Variants in EDARADD observed in about 807,000 individuals in gnomAD.
The protein encoded by EDARADD is ectodysplasin-A receptor-associated adapter protein.
A neutral mutation model predicts 25.6 loss-of-function variants in EDARADD; 20 were observed. The observed-to-expected ratio is 0.78, with a 90% CI of 0.55 to 1.14. EDARADD has a LOEUF of 1.14. Ranked by LOEUF, EDARADD falls within the 50% of genes most tolerant of loss-of-function variation. The pLI, the probability that EDARADD is intolerant of heterozygous loss-of-function variation, is 0.00. For missense variants in EDARADD, 225 were observed against 270.1 expected (o/e 0.83, Z 1.17); for synonymous variants, 86 against 94.4 (o/e 0.91, Z 0.52).
chr1:236,395,756 G>A lies in EDARADD; in HGVS notation c.61+1251G>A. ...AGCAGCCGCAGGGCTATCGAGGCCG[G>A]GCCTCGGCGACCCCCGAGGGAGGCC... On this transcript the variant is annotated intron_variant, in intron 1 of 5. Coordinates refer to ENST00000334232, the MANE Select transcript of EDARADD (RefSeq NM_145861.4). This position sits in a 1 kb window ranked among gnomAD's most constrained non-coding sequence, Gnocchi z 6.9. 1 of 1,439,248 alleles carries A rather than the reference G, an allele frequency of 6.9e-7. No individual in the cohort carries two copies. The highest frequency in any genetic ancestry group is 9.2e-7 in the Non-Finnish European group (1 of 1,092,206). The allele number at this position is 1,439,248 out of a possible 1,614,324, so 89.2% of individuals were successfully genotyped here.
chr1:236,474,486 C>T (rs928159241), intron 5 of EDARADD, among the ~76,000 whole-genome samples: 4 of 152,056 alleles, frequency 2.6e-5, no homozygotes, highest in South Asian at 2.1e-4. Context: ...AATGGGGACC[C>T]CAATTATTAG....
At chr1:236,435,384 AG>A (rs1658223422) in intron 4 of EDARADD, among the ~76,000 whole-genome samples, 3 of 152,206 alleles carry the variant, frequency 2.0e-5, no homozygotes, top group Admixed American at 2.0e-4. Flanking sequence ...ATGCCCCTTG[AG>A]GGCAGGGACT....
At chr1:236,467,667 A>G (rs1174361712) in intron 4 of EDARADD, among the ~76,000 whole-genome samples, 2 of 152,236 alleles carry the variant, frequency 1.3e-5, no homozygotes. Flanking sequence ...TTGACAGACA[A>G]CAAGCCCTGA....
chr1:236,374,453 G>C (rs1667202689), intron 3 of EDARADD, among the ~76,000 whole-genome samples: 1 of 151,954 alleles, frequency 6.6e-6, no homozygotes, highest in African/African-American at 2.4e-5. Context: ...ATTTTTAGTA[G>C]AGACAAAGTC....
chr1:236,475,718 C>T (rs2103039006), intron 5 of EDARADD, among the ~76,000 whole-genome samples: 1 of 151,804 alleles, frequency 6.6e-6, no homozygotes, highest in African/African-American at 2.4e-5. Flanking sequence ...GAGTCGAGAT[C>T]GCACCATTGC....
chr1:236,353,963 G>A lies in EDARADD; in HGVS notation c.-6+3124G>A, dbSNP rs146106109. The stretch of plus-strand genomic sequence containing the variant: ...GAGTTCAGGGGAAAATGTGACTCTA[G>A]CTCTTTCATTTAAAGCTCGTTAGTT... On this transcript the variant is annotated intron_variant, in intron 3 of 7. Coordinates refer to the EDARADD transcript ENST00000439430. Among the ~76,000 whole-genome samples the A allele has an allele frequency of 5.5e-3, 838 of 152,152 alleles. 8 individuals are homozygous for A. The highest frequency in any genetic ancestry group is 7.4e-3 in the Non-Finnish European group (506 of 68,000).
intron 3 of EDARADD, among the ~76,000 whole-genome samples, chr1:236,376,033 C>T (rs199753183): frequency 2.7e-5 from 4 of 146,120 alleles, no homozygotes; most frequent in East Asian, 4.1e-4. Flanking sequence ...CTCTGAGGTT[C>T]GAGCGATTCT....
At chr1:236,375,991 A>G (rs534497419) in intron 3 of EDARADD, among the ~76,000 whole-genome samples, 5 of 145,468 alleles carry the variant, frequency 3.4e-5, no homozygotes, top group African/African-American at 1.0e-4. Context: ...CTGGAGTGCA[A>G]TGGTGCGATC....
chr1:236,454,141 G>A (rs1281951444), intron 4 of EDARADD, among the ~76,000 whole-genome samples: 1 of 152,170 alleles, frequency 6.6e-6, no homozygotes, highest in Non-Finnish European at 1.5e-5. Flanking sequence ...CATCTCCCGG[G>A]TTCAAGCAAT....
chr1:236,382,727 G>C (rs1667315338), intron 3 of EDARADD, among the ~76,000 whole-genome samples: 1 of 152,172 alleles, frequency 6.6e-6, no homozygotes, highest in Non-Finnish European at 1.5e-5. Context: ...ATTCAGGCAA[G>C]ACCCTTTTGT....
chr1:236,358,612 C>A (rs1446190265), intron 3 of EDARADD, among the ~76,000 whole-genome samples: 1 of 152,164 alleles, frequency 6.6e-6, no homozygotes, highest in African/African-American at 2.4e-5. Context: ...TGATTTCTAT[C>A]TTAATTTCAT....
chr1:236,384,421 A>G lies in EDARADD; in HGVS notation c.-5-24795A>G, dbSNP rs186607570. On this transcript the variant is annotated intron_variant, in intron 3 of 7. Coordinates refer to the EDARADD transcript ENST00000439430. ...CCTTTTTCAATTTTTTTGTTTTTAA[A>G]AGATGGGGTCTTGCTCTGGAGTGCA... 8.0e-3 allele frequency among the ~76,000 whole-genome samples: 1,221 copies of G among 152,240 alleles called. 12 individuals are homozygous for G. The highest frequency in any genetic ancestry group is 9.5e-3 in the Non-Finnish European group (647 of 68,014).
chr1:236,458,608 T>C (rs904769152), intron 4 of EDARADD, among the ~76,000 whole-genome samples: 17 of 152,056 alleles, frequency 1.1e-4, no homozygotes, highest in Admixed American at 2.0e-4. Flanking sequence ...CAGTAATTTT[T>C]ACTTTTGTGT....
At chr1:236,418,099 G>A (rs1365601589) in intron 3 of EDARADD, among the ~76,000 whole-genome samples, 5 of 151,658 alleles carry the variant, frequency 3.3e-5, no homozygotes, top group South Asian at 2.1e-4. Context: ...GACTATAGGC[G>A]CCCACCACCA....
chr1:236,352,993 G>A (rs1274673143), intron 3 of EDARADD, among the ~76,000 whole-genome samples: 1 of 149,644 alleles, frequency 6.7e-6, no homozygotes, highest in Admixed American at 6.7e-5. Context: ...CTGGGCAACA[G>A]AGCAAGACTC....
At chr1:236,370,602 G>A (rs1447673975) in intron 3 of EDARADD, among the ~76,000 whole-genome samples, 1 of 152,160 alleles carries the variant, frequency 6.6e-6, no homozygotes, top group Non-Finnish European at 1.5e-5. Context: ...ATCAGTCGGA[G>A]ATGAAATCAT....
Position 236,465,281 on chromosome 1 carries a change from A to G in EDARADD, c.220-2950A>G, listed in dbSNP as rs142951292. On this transcript the variant is annotated intron_variant, in intron 4 of 5. Transcript: ENST00000334232. ...ACACCCCCTGAGGATACCCTGCTTCAGGCGAGAGCCCCTCAGTGACTCCCT... is the reference window on the plus strand; with the variant it reads ...ACACCCCCTGAGGATACCCTGCTTCGGGCGAGAGCCCCTCAGTGACTCCCT... Among the ~76,000 whole-genome samples the G allele has an allele frequency of 3.7e-3, 556 of 152,284 alleles. 3 individuals carry two copies. The highest frequency in any genetic ancestry group is 0.013 in the African/African-American group (538 of 41,552).
intron 4 of EDARADD, among the ~76,000 whole-genome samples, chr1:236,456,227 G>A (rs1658860865): frequency 6.6e-6 from 1 of 152,064 alleles, no homozygotes; most frequent in African/African-American, 2.4e-5. Context: ...CGGAAGCATC[G>A]CGGATCTCCC....
At chr1:236,384,214 A>G (rs1667329934) in intron 3 of EDARADD, among the ~76,000 whole-genome samples, 1 of 152,124 alleles carries the variant, frequency 6.6e-6, no homozygotes, top group Non-Finnish European at 1.5e-5. Flanking sequence ...TTGCTTAGGG[A>G]AAATACATCG....
Sources: allele counts gnomAD v4.1 joint callset (sites outside exome capture counted in the v4.1 genomes callset), GRCh38; gene constraint gnomAD v4.1.1; non-coding constraint Gnocchi (gnomAD v3.1); transcripts MANE v1.5; gene names NCBI Gene and HGNC (gene_info 2026-07-23, HGNC 2026-07-21).